PTPRD: variants seen among roughly 807,000 people sequenced by gnomAD.
PTPRD encodes receptor-type tyrosine-protein phosphatase delta.
Under a neutral mutation model 214.5 loss-of-function variants are expected in PTPRD, and 34 were observed. The ratio of observed to expected loss-of-function variants is 0.16; its 90% confidence interval spans 0.12 to 0.21. The LOEUF (loss-of-function observed/expected upper bound fraction) is 0.21, where lower values mean the gene tolerates loss of function less well. Among genes scored for constraint, PTPRD ranks in the 10% least tolerant of loss-of-function variants. The pLI, the probability that PTPRD is intolerant of heterozygous loss-of-function variation, is 1.00. For missense variants in PTPRD, 2,545 were observed against 2,398.7 expected, an observed-to-expected ratio of 1.06 and a Z score of -1.27; for synonymous variants, 1,128 against 845.7, an observed-to-expected ratio of 1.33 and a Z score of -5.79.
chr9:8,583,497 T>TA (rs1011582217), intron 14 of PTPRD, among the ~76,000 whole-genome samples: 127 of 151,230 alleles, frequency 8.4e-4, no homozygotes, highest in African/African-American at 2.9e-3. Context: ...ATAATTTATT[T>TA]AAAAAAAAAG....
At chr9:9,627,112 G>T (rs1013382198) in intron 7 of PTPRD, among the ~76,000 whole-genome samples, 1 of 152,112 alleles carries the variant, frequency 6.6e-6, no homozygotes, top group Non-Finnish European at 1.5e-5. Flanking sequence ...TCAGGAGTTC[G>T]AGACCAGCCT....
intron 14 of PTPRD, among the ~76,000 whole-genome samples, chr9:8,544,869 G>A (rs377712340): frequency 6.7e-6 from 1 of 149,540 alleles, no homozygotes; most frequent in African/African-American, 2.5e-5. Context: ...AATAACAGCT[G>A]GGTCATACTA....
At chr9:8,468,190 C>T (rs1287118865) in intron 31 of PTPRD, among the ~76,000 whole-genome samples, 1 of 151,956 alleles carries the variant, frequency 6.6e-6, no homozygotes, top group African/African-American at 2.4e-5. Flanking sequence ...AAACCTGGAG[C>T]ATCACTCTGC....
At chr9:8,707,934 G>A (rs550072333) in intron 12 of PTPRD, among the ~76,000 whole-genome samples, 31 of 152,242 alleles carry the variant, frequency 2.0e-4, no homozygotes, top group African/African-American at 7.0e-4. Flanking sequence ...TTCCTTGTAT[G>A]TGCCAGCAGT....
chr9:8,507,958 A>G (rs2097575733), intron 21 of PTPRD, among the ~76,000 whole-genome samples: 1 of 152,152 alleles, frequency 6.6e-6, no homozygotes, highest in South Asian at 2.1e-4. Context: ...ATTTTTTCTT[A>G]CCAGCCCACA....
intron 9 of PTPRD, among the ~76,000 whole-genome samples, chr9:9,268,940 G>T (rs1272877123): frequency 6.6e-6 from 1 of 150,380 alleles, no homozygotes; most frequent in Non-Finnish European, 1.5e-5. Flanking sequence ...CCATGACACA[G>T]GTCTGGGCAA....
At chr9:8,909,892 G>C (rs10977356) in intron 11 of PTPRD, among the ~76,000 whole-genome samples, 1 of 146,014 alleles carries the variant, frequency 6.8e-6, no homozygotes, top group African/African-American at 2.5e-5. Flanking sequence ...GAAAGAAAAA[G>C]AAAAATTGGA....
chr9:9,782,564 T>C (rs2098859927), intron 5 of PTPRD, among the ~76,000 whole-genome samples: 1 of 152,170 alleles, frequency 6.6e-6, no homozygotes, highest in Admixed American at 6.5e-5. Context: ...AACATAAAAC[T>C]GGACTCCCTC....
chr9:8,493,031 TG>T, intron 26 of PTPRD, 52 bp from the exon 27 acceptor site: 5 of 1,472,674 alleles, frequency 3.4e-6, no homozygotes, highest in Non-Finnish European at 3.8e-6. Context: ...ACTAATGCTC[TG>T]GGGGAAAAAC....
At chr9:9,251,179 A>G (rs2099975337) in intron 9 of PTPRD, among the ~76,000 whole-genome samples, 1 of 152,082 alleles carries the variant, frequency 6.6e-6, no homozygotes, top group Non-Finnish European at 1.5e-5. Context: ...CATTGCCAGC[A>G]ATAGATCCCA....
chr9:9,585,590 A>T (rs2091797894), intron 7 of PTPRD, among the ~76,000 whole-genome samples: 3 of 152,100 alleles, frequency 2.0e-5, no homozygotes, highest in African/African-American at 7.2e-5. Context: ...TATTAGTGAC[A>T]CTTCTAACTT....
Position 9,477,911 on chromosome 9 carries a change from G to A in PTPRD, c.-236-80429C>T, listed in dbSNP as rs530846796. The stretch of plus-strand genomic sequence containing the variant: ...AATTTTATAACATCTGTAATAAATA[G>A]TTCTCAAAAACTCAGGCTGGAGATT... On this transcript the variant is annotated intron_variant, in intron 8 of 45. Transcript: ENST00000381196. Among the ~76,000 whole-genome samples, 24 of 152,202 alleles carry A rather than the reference G, an allele frequency of 1.6e-4. No homozygotes were observed. In the East Asian group the frequency reaches 2.5e-3, roughly 16 times the overall value.
intron 8 of PTPRD, among the ~76,000 whole-genome samples, chr9:9,532,927 T>C (rs555595511): frequency 3.3e-5 from 5 of 152,174 alleles, no homozygotes; most frequent in Non-Finnish European, 7.4e-5. Context: ...TTAAAAATTT[T>C]GGTTTTACCA....
chr9:10,585,028 C>A lies in PTPRD; in HGVS notation c.-600+27370G>T, dbSNP rs1407397. Among the ~76,000 whole-genome samples the A allele has an allele frequency of 9.5e-4, 145 of 152,200 alleles. 2 individuals are homozygous for A. The South Asian group carries it at 0.029, about 31-fold the overall frequency. Reference sequence around the variant, plus strand: ...TGATGACATAAAGTGCCAAACTAATCTCACCTCCATTTCAGTCATGTATTG... The same window carrying A: ...TGATGACATAAAGTGCCAAACTAATATCACCTCCATTTCAGTCATGTATTG... On this transcript the variant is annotated intron_variant, in intron 2 of 45. Transcript: ENST00000381196.
intron 10 of PTPRD, among the ~76,000 whole-genome samples, chr9:9,147,161 CA>C (rs1244034494): frequency 6.6e-6 from 1 of 151,658 alleles, no homozygotes; most frequent in Non-Finnish European, 1.5e-5. Flanking sequence ...ACTGGTTTAC[CA>C]ATCTGAGAAG....
chr9:10,404,385 A>G (rs1428960597), intron 2 of PTPRD, among the ~76,000 whole-genome samples: 1 of 151,778 alleles, frequency 6.6e-6, no homozygotes, highest in African/African-American at 2.4e-5. Context: ...GTTCCAGAAC[A>G]GTTAAGAACC....
intron 12 of PTPRD, among the ~76,000 whole-genome samples, chr9:8,721,176 C>A (rs753104985): frequency 6.6e-6 from 1 of 151,846 alleles, no homozygotes; most frequent in Non-Finnish European, 1.5e-5. Context: ...CACCTGTTAT[C>A]CCAACACTTT....
intron 7 of PTPRD, among the ~76,000 whole-genome samples, chr9:9,634,844 A>C (rs1213629550): frequency 6.6e-6 from 1 of 152,202 alleles, no homozygotes; most frequent in African/African-American, 2.4e-5. Flanking sequence ...CAGAGCAGGG[A>C]TTACAAGTTA....
At chr9:10,514,473 CT>C (rs1293794619) in intron 2 of PTPRD, among the ~76,000 whole-genome samples, 2 of 151,208 alleles carry the variant, frequency 1.3e-5, no homozygotes, top group Non-Finnish European at 3.0e-5. Context: ...ATAAAATAAA[CT>C]TTTTTATAAA....
Sources: allele counts gnomAD v4.1 joint callset (sites outside exome capture counted in the v4.1 genomes callset), GRCh38; gene constraint gnomAD v4.1.1; transcripts MANE v1.5; gene names NCBI Gene and HGNC (gene_info 2026-07-23, HGNC 2026-07-21).